SGCD: variants seen among roughly 807,000 people sequenced by gnomAD.
SGCD encodes the protein delta-sarcoglycan.
In SGCD, 18 loss-of-function variants were observed where a neutral mutation model predicts 36.6. That is an observed-to-expected ratio of 0.49 (90% confidence interval 0.34 to 0.73). The LOEUF is 0.73. Ranked by LOEUF, SGCD falls within the 30% of genes least tolerant of loss-of-function variation. SGCD has a pLI of 0.01. For synonymous variants in SGCD, 133 were observed against 130.6 expected, an observed-to-expected ratio of 1.02 and a Z score of -0.12; for missense variants, 387 against 346.7, an observed-to-expected ratio of 1.12 and a Z score of -0.92.
At chr5:156,377,957 A>G (rs1770759135) in intron 3 of SGCD, among the ~76,000 whole-genome samples, 1 of 152,136 alleles carries the variant, frequency 6.6e-6, no homozygotes, top group African/African-American at 2.4e-5. Context: ...TTCCACACAA[A>G]TATTTTTATT....
rs553863342 is a variant in SGCD at position 155,882,673 on chromosome 5, TCTCAAGAGTGGACTTAAAATA to T, written c.-282+12254_-282+12274del. On this transcript the variant is annotated intron_variant, in intron 1 of 9. Transcript: ENST00000517913. The stretch of plus-strand genomic sequence containing the variant: ...AGGATTTTTTTTTCTGGGCAGTAGG[TCTCAAGAGTGGACTTAAAATA>T]CTCACCAAACCATGCTGAAAACAGA... 1.1e-4 allele frequency among the ~76,000 whole-genome samples: 17 copies of T among 152,200 alleles called. No homozygotes were observed. The South Asian group carries it at 3.5e-3, about 32-fold the overall frequency.
chr5:156,277,505 T>C (rs1411512159), intron 3 of SGCD, among the ~76,000 whole-genome samples: 1 of 152,168 alleles, frequency 6.6e-6, no homozygotes, highest in Non-Finnish European at 1.5e-5. Flanking sequence ...GGATTTGCTG[T>C]AGAGTATTGA....
chr5:156,409,379 A>T (rs928749006), intron 3 of SGCD, among the ~76,000 whole-genome samples: 3 of 152,192 alleles, frequency 2.0e-5, no homozygotes. Context: ...GTCCTAAAGG[A>T]GGGCTTCCTC....
intron 3 of SGCD, among the ~76,000 whole-genome samples, chr5:156,292,676 A>G (rs1766789294): frequency 6.6e-6 from 1 of 152,122 alleles, no homozygotes. Flanking sequence ...ATAAACCACC[A>G]TACTATTTTC....
chr5:156,198,776 A>C (rs532622196), intron 3 of SGCD, among the ~76,000 whole-genome samples: 2 of 152,184 alleles, frequency 1.3e-5, no homozygotes, highest in African/African-American at 4.8e-5. Context: ...CTGTGCTTCA[A>C]ATTTCAGGGA....
intron 7 of SGCD, among the ~76,000 whole-genome samples, chr5:156,678,833 A>G (rs1753613741): frequency 6.6e-6 from 1 of 152,164 alleles, no homozygotes; most frequent in Admixed American, 6.5e-5. Flanking sequence ...TAACATTTTA[A>G]TTAGGGTGGG....
chr5:155,878,124 G>A (rs1755802935), intron 1 of SGCD, among the ~76,000 whole-genome samples: 1 of 151,960 alleles, frequency 6.6e-6, no homozygotes, highest in Non-Finnish European at 1.5e-5. Flanking sequence ...TTTGAGGGTG[G>A]AAGTATATAA....
chr5:156,548,860 G>A (rs1758682419), intron 4 of SGCD, among the ~76,000 whole-genome samples: 1 of 152,120 alleles, frequency 6.6e-6, no homozygotes, highest in Non-Finnish European at 1.5e-5. Context: ...GATCCTGCGG[G>A]AAGAGATGAC....
chr5:156,140,614 G>A (rs572483316), intron 3 of SGCD, among the ~76,000 whole-genome samples: 1 of 152,094 alleles, frequency 6.6e-6, no homozygotes, highest in Admixed American at 6.5e-5. Flanking sequence ...AGTGTTTAGG[G>A]TGCTGCATGG....
rs544303340 is a variant in SGCD, at chr5:156,342,008, G to A, written c.4-2481G>A. ...ATTACAGGTGTGAGCCACCATGCCCGGCTGAGTACAAATGTTTTTAACAGC... is the reference window on the plus strand; with the variant it reads ...ATTACAGGTGTGAGCCACCATGCCCAGCTGAGTACAAATGTTTTTAACAGC... On this transcript the variant is annotated intron_variant, in intron 2 of 8. Coordinates refer to ENST00000337851, the MANE Select transcript of SGCD (RefSeq NM_000337.6). Among the ~76,000 whole-genome samples, 581 of 152,218 alleles carry A rather than the reference G, an allele frequency of 3.8e-3. 2 individuals carry two copies. Among genetic ancestry groups the A allele is most frequent in the Non-Finnish European group, 6.3e-3 (426 of 68,014 alleles).
chr5:156,456,781 C>T (rs952850907), intron 3 of SGCD, among the ~76,000 whole-genome samples: 1 of 152,142 alleles, frequency 6.6e-6, no homozygotes, highest in Non-Finnish European at 1.5e-5. Context: ...TGTTTTAAGG[C>T]CACAAGTTGT....
intron 3 of SGCD, among the ~76,000 whole-genome samples, chr5:156,219,769 C>T (rs1394212506): frequency 2.0e-5 from 3 of 152,180 alleles, no homozygotes; most frequent in Admixed American, 6.5e-5. Context: ...CAGCCATAAG[C>T]TTTAGTAATG....
intron 5 of SGCD, among the ~76,000 whole-genome samples, 161 bp downstream of exon 5, chr5:156,589,479 A>G (rs1228076907): frequency 6.6e-6 from 1 of 152,324 alleles, no homozygotes; most frequent in East Asian, 1.9e-4. Flanking sequence ...ACTAGAGGGT[A>G]GAATCCCATC....
At chr5:156,676,285 G>A (rs757843464) in intron 7 of SGCD, among the ~76,000 whole-genome samples, 2 of 152,110 alleles carry the variant, frequency 1.3e-5, no homozygotes, top group Non-Finnish European at 2.9e-5. Context: ...AGAACTCCTG[G>A]TTCCTGCCTG....
chr5:156,576,137 C>G (rs1323161380), intron 4 of SGCD, among the ~76,000 whole-genome samples: 1 of 151,824 alleles, frequency 6.6e-6, no homozygotes, highest in Non-Finnish European at 1.5e-5. Flanking sequence ...AAGTGTTCTC[C>G]TTGTTCATTT....
chr5:156,168,112 G>T (rs1763256024), intron 3 of SGCD, among the ~76,000 whole-genome samples: 1 of 152,180 alleles, frequency 6.6e-6, no homozygotes, highest in Non-Finnish European at 1.5e-5. Context: ...TTAACAGAGT[G>T]CCTAGCACAT....
chr5:155,994,998 G>A (rs34424222), intron 1 of SGCD, among the ~76,000 whole-genome samples: 44,083 of 152,018 alleles, frequency 0.29, 6,438 homozygotes, highest in South Asian at 0.37. Context: ...TCGTCTGTCC[G>A]TGTACCCAAC....
intron 8 of SGCD, among the ~76,000 whole-genome samples, chr5:156,759,013 T>A (rs1307445104): frequency 6.6e-6 from 1 of 152,218 alleles, no homozygotes; most frequent in Non-Finnish European, 1.5e-5. Context: ...CAATGCAGCA[T>A]TATCTTGCTA....
chr5:155,954,093 A>G (rs1581009654), intron 1 of SGCD, among the ~76,000 whole-genome samples: 1 of 152,142 alleles, frequency 6.6e-6, no homozygotes, highest in East Asian at 1.9e-4. Context: ...AAGACCAAAA[A>G]TCTTGTCTAT....
Sources: gnomAD v4.1 joint callset for allele counts (sites outside exome capture counted in the v4.1 genomes callset) on GRCh38, gnomAD v4.1.1 for gene constraint, MANE v1.5 for transcripts, NCBI Gene and HGNC (gene_info 2026-07-23, HGNC 2026-07-21) for gene names.